RBMS3: variants seen among roughly 807,000 people sequenced by gnomAD.
The protein encoded by RBMS3 is RNA binding motif single stranded interacting protein 3.
Under a neutral mutation model 66.8 loss-of-function variants are expected in RBMS3, and 27 were observed. The observed-to-expected ratio is 0.40, with a 90% CI of 0.30 to 0.56. The LOEUF (loss-of-function observed/expected upper bound fraction) is 0.56. Ranked by LOEUF, RBMS3 falls within the 20% of genes least tolerant of loss-of-function variation. The pLI, the probability that RBMS3 is intolerant of heterozygous loss-of-function variation, is 0.40. For synonymous variants in RBMS3, 188 were observed against 183.0 expected (o/e 1.03, Z -0.22); for missense variants, 513 against 549.5 (o/e 0.93, Z 0.66).
chr3:29,891,448 C>A (rs1342688066), intron 8 of RBMS3, among the ~76,000 whole-genome samples: 1 of 151,536 alleles, frequency 6.6e-6, no homozygotes, highest in Non-Finnish European at 1.5e-5. Flanking sequence ...TGTAGGCTAA[C>A]TTACAAGAAT....
chr3:29,645,646 G>T (rs1306151482), intron 4 of RBMS3, among the ~76,000 whole-genome samples: 8 of 152,074 alleles, frequency 5.3e-5, no homozygotes, highest in Non-Finnish European at 1.5e-5. Flanking sequence ...TTTTAATTTG[G>T]TTTTTCTTTT....
chr3:29,978,226 C>T (rs1171873205), intron 12 of RBMS3, among the ~76,000 whole-genome samples: 1 of 152,108 alleles, frequency 6.6e-6, no homozygotes, highest in African/African-American at 2.4e-5. Context: ...ATAGCTATGG[C>T]CAATTCCTGT....
At chr3:29,479,155 C>T (rs566155458) in intron 2 of RBMS3, among the ~76,000 whole-genome samples, 1 of 151,992 alleles carries the variant, frequency 6.6e-6, no homozygotes, top group South Asian at 2.1e-4. Flanking sequence ...CTTAATATAC[C>T]TAAATTTAAT....
At chr3:29,371,033 T>C (rs1006229721) in intron 1 of RBMS3, among the ~76,000 whole-genome samples, 5 of 152,236 alleles carry the variant, frequency 3.3e-5, no homozygotes, top group Admixed American at 2.6e-4. Context: ...CATGATTTTA[T>C]TTTTAAGCGA....
At chr3:29,474,714 A>C (rs2042885256) in intron 2 of RBMS3, among the ~76,000 whole-genome samples, 1 of 152,238 alleles carries the variant, frequency 6.6e-6, no homozygotes, top group African/African-American at 2.4e-5. Flanking sequence ...GGTCTAGAAG[A>C]AGCTTTTAAT....
intron 3 of RBMS3, among the ~76,000 whole-genome samples, chr3:29,491,853 C>T (rs765210529): frequency 2.6e-5 from 4 of 152,046 alleles, no homozygotes; most frequent in African/African-American, 7.2e-5. Flanking sequence ...ATTAGCCGGG[C>T]GTGGTGGCGG....
chr3:29,570,808 A>G (rs549716638), intron 3 of RBMS3, among the ~76,000 whole-genome samples: 24 of 152,138 alleles, frequency 1.6e-4, no homozygotes, highest in Non-Finnish European at 2.8e-4. Context: ...TATCTCTTCA[A>G]TATATTGATT....
chr3:29,648,623 T>G (rs541851582), intron 4 of RBMS3, among the ~76,000 whole-genome samples: 212 of 152,222 alleles, frequency 1.4e-3, no homozygotes, highest in African/African-American at 5.0e-3. Context: ...TTATGTGAAT[T>G]AGCTTAAAGG....
chr3:29,721,970 T>A (rs1380633733), intron 4 of RBMS3, among the ~76,000 whole-genome samples: 1 of 152,248 alleles, frequency 6.6e-6, no homozygotes, highest in East Asian at 1.9e-4. Flanking sequence ...AAATAAACAC[T>A]GTCCAAGGTA....
At chr3:29,349,615 C>T (rs1418124423) in intron 1 of RBMS3, among the ~76,000 whole-genome samples, 1 of 152,158 alleles carries the variant, frequency 6.6e-6, no homozygotes, top group Non-Finnish European at 1.5e-5. Context: ...TTGGTTTGCA[C>T]TAATTTTTAA....
intron 4 of RBMS3, among the ~76,000 whole-genome samples, chr3:29,593,538 T>C (rs1165705488): frequency 6.6e-6 from 1 of 152,194 alleles, no homozygotes; most frequent in Non-Finnish European, 1.5e-5. Flanking sequence ...CAATACTTTA[T>C]ATAGTGATGG....
At chr3:29,979,158 AAAC>A (rs751421266) in intron 12 of RBMS3, among the ~76,000 whole-genome samples, 22 of 151,342 alleles carry the variant, frequency 1.5e-4, no homozygotes, top group Admixed American at 2.6e-4. Context: ...AGAAGGAAAG[AAAC>A]AACAACAACA....
intron 2 of RBMS3, among the ~76,000 whole-genome samples, chr3:29,472,062 G>T (rs2042747698): frequency 6.6e-6 from 1 of 151,984 alleles, no homozygotes; most frequent in Non-Finnish European, 1.5e-5. Flanking sequence ...AAAGTAACAA[G>T]TAGATAGAAA....
intron 14 of RBMS3, among the ~76,000 whole-genome samples, chr3:29,998,641 A>G (rs1699411330): frequency 6.6e-6 from 1 of 152,196 alleles, no homozygotes; most frequent in African/African-American, 2.4e-5. Context: ...TCTTTGACAA[A>G]CCTGACAAAA....
At chr3:29,470,982 TA>T (rs1346192957) in intron 2 of RBMS3, among the ~76,000 whole-genome samples, 4 of 152,288 alleles carry the variant, frequency 2.6e-5, no homozygotes, top group Non-Finnish European at 5.9e-5. Flanking sequence ...TAAAATTTTC[TA>T]ACAGTACTAA....
rs116010914 is a variant in RBMS3 at position 29,830,154 on chromosome 3, T to C, written c.638-38704T>C. 6.9e-3 allele frequency among the ~76,000 whole-genome samples: 1,046 copies of C among 152,114 alleles called. 7 individuals carry two copies. The highest frequency in any genetic ancestry group is 0.024 in the African/African-American group (996 of 41,518). On this transcript the variant is annotated intron_variant, in intron 6 of 14. Transcript: ENST00000383767. ...AGTGGGAGGTAGTCTTTTTTTTTTG[T>C]CCACTTGTGACTTCTGCCTTGAGAC...
At chr3:29,534,698 A>G (rs1472676894) in intron 3 of RBMS3, among the ~76,000 whole-genome samples, 2 of 152,230 alleles carry the variant, frequency 1.3e-5, no homozygotes, top group East Asian at 3.8e-4. Flanking sequence ...AATAATTTAT[A>G]TCAAATCTTC....
chr3:29,651,162 A>G (rs1173309005), intron 4 of RBMS3, among the ~76,000 whole-genome samples: 1 of 152,210 alleles, frequency 6.6e-6, no homozygotes, highest in Non-Finnish European at 1.5e-5. Flanking sequence ...TCCCTGCTAC[A>G]GAGGCTACTG....
intron 3 of RBMS3, among the ~76,000 whole-genome samples, chr3:29,582,527 T>G (rs1460897593): frequency 6.6e-6 from 1 of 152,156 alleles, no homozygotes; most frequent in African/African-American, 2.4e-5. Flanking sequence ...ATTGAGAGAG[T>G]GAGACGGGTG....
Sources: gnomAD v4.1 joint callset for allele counts (sites outside exome capture counted in the v4.1 genomes callset) on GRCh38, gnomAD v4.1.1 for gene constraint, MANE v1.5 for transcripts, NCBI Gene and HGNC (gene_info 2026-07-23, HGNC 2026-07-21) for gene names.